Variants in ACOXL observed in about 807,000 individuals in gnomAD.
ACOXL encodes the protein acyl-CoA oxidase like, also known as acyl-coenzyme A oxidase-like protein.
In ACOXL, 70 loss-of-function variants were observed where a neutral mutation model predicts 71.9. The observed-to-expected ratio is 0.97, with a 90% CI of 0.80 to 1.19. The LOEUF is 1.19. Ranked by LOEUF, ACOXL falls within the 50% of genes most tolerant of loss-of-function variation. The pLI, the probability that ACOXL is intolerant of heterozygous loss-of-function variation, is 0.00. For synonymous variants in ACOXL, 253 were observed against 281.6 expected (o/e 0.90, Z 1.02); for missense variants, 703 against 736.3 (o/e 0.95, Z 0.52).
chr2:111,018,908 C>T (rs532384265), intron 14 of ACOXL, among the ~76,000 whole-genome samples: 9 of 152,260 alleles, frequency 5.9e-5, no homozygotes, highest in South Asian at 2.1e-4. Flanking sequence ...GTGGATTTTC[C>T]GCATACTATA....
chr2:111,110,730 G>A (rs76928217), intron 17 of ACOXL, among the ~76,000 whole-genome samples: 3,888 of 152,238 alleles, frequency 0.026, 167 homozygotes, highest in African/African-American at 0.088. Flanking sequence ...CTTCATTAAC[G>A]TTACTTTCTT....
chr2:111,092,721 A>T (rs1482534805), intron 16 of ACOXL, 144 bp from the exon 17 acceptor site: 1 of 611,368 alleles, frequency 1.6e-6, no homozygotes, highest in Non-Finnish European at 2.9e-6. Flanking sequence ...CATCCAAAAC[A>T]TGGCCATTTT....
chr2:110,916,884 A>G (rs2059881697), intron 11 of ACOXL, among the ~76,000 whole-genome samples: 2 of 152,234 alleles, frequency 1.3e-5, no homozygotes, highest in South Asian at 2.1e-4. Flanking sequence ...TGGATAGACC[A>G]ATAACAAGTT....
At chr2:110,754,031 CGT>C (rs34282367) in intron 1 of ACOXL, among the ~76,000 whole-genome samples, 27,067 of 140,558 alleles carry the variant, frequency 0.19, 3,920 homozygotes, top group African/African-American at 0.42. Context: ...CACATGCACA[CGT>C]GTGTGTGTGT....
intron 11 of ACOXL, among the ~76,000 whole-genome samples, chr2:110,927,753 A>G (rs561857888): frequency 1.3e-5 from 2 of 152,352 alleles, no homozygotes; most frequent in East Asian, 3.9e-4. Context: ...GGCTCTCTGC[A>G]CAGATTAATT....
In ACOXL at chr2:110,793,588, A is replaced by T. The variant is rs979545098; in HGVS notation, c.160-62A>T. The T allele has an allele frequency of 2.0e-6, 3 of 1,499,932 alleles. No individual in the cohort carries two copies. The African/African-American group carries it at 4.1e-5, about 21-fold the overall frequency. The allele number at this position is 1,499,932 out of a possible 1,614,324, so 92.9% of individuals were successfully genotyped here. ...CTCCCTGATTGGAGTTTGGCCGTGG[A>T]TTTAATTGTCTTTAGATTGCTGACT... On this transcript the variant is annotated intron_variant, in intron 3 of 17. Coordinates refer to ENST00000439055, the MANE Select transcript of ACOXL (RefSeq NM_001142807.4).
At chr2:110,836,556 G>A (rs964233681) in intron 9 of ACOXL, among the ~76,000 whole-genome samples, 5 of 152,048 alleles carry the variant, frequency 3.3e-5, no homozygotes, top group African/African-American at 1.2e-4. Context: ...GTATTCTGTG[G>A]GTGCCATGGC....
intron 15 of ACOXL, among the ~76,000 whole-genome samples, chr2:111,045,860 C>A (rs1349381096): frequency 6.6e-6 from 1 of 152,180 alleles, no homozygotes; most frequent in African/African-American, 2.4e-5. Flanking sequence ...TAAAACTCAG[C>A]CAGCCCACGA....
At chr2:110,879,387 A>G (rs1379559859) in intron 10 of ACOXL, among the ~76,000 whole-genome samples, 1 of 152,182 alleles carries the variant, frequency 6.6e-6, no homozygotes, top group East Asian at 1.9e-4. Flanking sequence ...AGGAAAAATG[A>G]TGTAGCCTAG....
At chr2:111,096,262 A>G (rs1458640441) in intron 17 of ACOXL, among the ~76,000 whole-genome samples, 1 of 144,808 alleles carries the variant, frequency 6.9e-6, no homozygotes, top group Admixed American at 6.8e-5. Context: ...ATTGAGACAG[A>G]GTCTTGCTCT....
At chr2:110,865,330 G>A (rs1032298290) in intron 10 of ACOXL, among the ~76,000 whole-genome samples, 4 of 152,204 alleles carry the variant, frequency 2.6e-5, no homozygotes, top group African/African-American at 9.7e-5. Flanking sequence ...GCTGGAGCCA[G>A]CCCTGAGAGC....
At chr2:110,800,239 C>T (rs1039214540) in intron 7 of ACOXL, among the ~76,000 whole-genome samples, 1 of 152,164 alleles carries the variant, frequency 6.6e-6, no homozygotes, top group Non-Finnish European at 1.5e-5. Context: ...AGCAAGACCA[C>T]GAATCCACCA....
At chr2:110,944,195 C>T (rs977600820) in intron 12 of ACOXL, among the ~76,000 whole-genome samples, 1 of 152,156 alleles carries the variant, frequency 6.6e-6, no homozygotes. Flanking sequence ...TCCCAAGTAG[C>T]TGGCACGTAC....
intron 10 of ACOXL, among the ~76,000 whole-genome samples, chr2:110,858,604 GTC>G (rs1390042779): frequency 6.6e-6 from 1 of 152,262 alleles, no homozygotes; most frequent in Non-Finnish European, 1.5e-5. Context: ...CTGTGAGAGT[GTC>G]TGTATGCACC....
chr2:110,988,857 TTGTGTGTGTGTGTGTGTG>T (rs70958753), intron 13 of ACOXL, among the ~76,000 whole-genome samples: 1 of 143,386 alleles, frequency 7.0e-6, no homozygotes, highest in African/African-American at 2.6e-5. Flanking sequence ...CCTATTTTTA[TTGTGTGTGTGTGTGTGTG>T]TGTGTGTGTG....
chr2:110,845,724 A>G (rs957111291), intron 10 of ACOXL, among the ~76,000 whole-genome samples: 10 of 152,202 alleles, frequency 6.6e-5, no homozygotes, highest in Non-Finnish European at 1.5e-5. Flanking sequence ...ACTTAGCATA[A>G]TTCTTCAAGA....
intron 12 of ACOXL, among the ~76,000 whole-genome samples, chr2:110,948,703 TAAAAA>T (rs5833377): frequency 2.8e-5 from 2 of 70,808 alleles, no homozygotes; most frequent in African/African-American, 7.0e-5. Context: ...CCAGAAGAAC[TAAAAA>T]AAAAAAAAAA....
intron 16 of ACOXL, among the ~76,000 whole-genome samples, chr2:111,062,015 ATAATG>A (rs1411053719): frequency 1.3e-5 from 2 of 152,028 alleles, no homozygotes; most frequent in Admixed American, 1.3e-4. Context: ...TTAATTTTGA[ATAATG>A]TAAAGGCAAA....
chr2:110,755,131 G>C (rs1393094028), intron 1 of ACOXL, among the ~76,000 whole-genome samples: 1 of 152,152 alleles, frequency 6.6e-6, no homozygotes, highest in Non-Finnish European at 1.5e-5. Context: ...CAATAGGGAA[G>C]TCAGATGATG....
Sources: allele counts gnomAD v4.1 joint callset (sites outside exome capture counted in the v4.1 genomes callset), GRCh38; gene constraint gnomAD v4.1.1; transcripts MANE v1.5; gene names NCBI Gene and HGNC (gene_info 2026-07-23, HGNC 2026-07-21).